The following SHISA6 variants were observed in gnomAD, a reference collection of about 807,000 sequenced individuals.
SHISA6 encodes the protein protein shisa-6.
Under a neutral mutation model 47.9 loss-of-function variants are expected in SHISA6, and 22 were observed. The ratio of observed to expected loss-of-function variants is 0.46; its 90% CI spans 0.33 to 0.66. The LOEUF (loss-of-function observed/expected upper bound fraction) is 0.66, where lower values mean the gene tolerates loss of function less well. Among genes scored for constraint, SHISA6 ranks in the 30% least tolerant of loss-of-function variants. The pLI is 0.02. For synonymous variants in SHISA6, 388 were observed against 337.8 expected (o/e 1.15, Z -1.63); for missense variants, 680 against 764.6 (o/e 0.89, Z 1.30).
At chr17:11,316,360 A>T (rs1597454535) in intron 2 of SHISA6, among the ~76,000 whole-genome samples, 1 of 129,194 alleles carries the variant, frequency 7.7e-6, no homozygotes, top group Non-Finnish European at 1.6e-5. Flanking sequence ...TTCAATGGGA[A>T]TCTCCTTGCA....
At chr17:11,541,184 G>A (rs2071830558) in intron 3 of SHISA6, among the ~76,000 whole-genome samples, 1 of 152,220 alleles carries the variant, frequency 6.6e-6, no homozygotes, top group Admixed American at 6.5e-5. Context: ...AAGACAGATG[G>A]AAACCCAGCT....
At chr17:11,486,425 G>A (rs1403888426) in intron 3 of SHISA6, among the ~76,000 whole-genome samples, 1 of 152,214 alleles carries the variant, frequency 6.6e-6, no homozygotes, top group Non-Finnish European at 1.5e-5. Flanking sequence ...ACAAGGCTTG[G>A]CACATAGTTG....
chr17:11,323,978 C>G (rs1253618702), intron 2 of SHISA6, among the ~76,000 whole-genome samples: 1 of 152,140 alleles, frequency 6.6e-6, no homozygotes, highest in African/African-American at 2.4e-5. Flanking sequence ...ATGTCAAATA[C>G]AGAATGAGGG....
chr17:11,350,764 A>G (rs1412318017), intron 2 of SHISA6, among the ~76,000 whole-genome samples: 3 of 152,140 alleles, frequency 2.0e-5, no homozygotes, highest in Admixed American at 6.5e-5. Context: ...AAAATTCCTT[A>G]CTAGTTTCAT....
At chr17:11,413,722 GT>G (rs1914202570) in intron 3 of SHISA6, among the ~76,000 whole-genome samples, 1 of 152,170 alleles carries the variant, frequency 6.6e-6, no homozygotes, top group South Asian at 2.1e-4. Flanking sequence ...TTCCAGCCGT[GT>G]TTCCAAAGGA....
chr17:11,343,530 G>T (rs1043864080), intron 2 of SHISA6, among the ~76,000 whole-genome samples: 1 of 151,802 alleles, frequency 6.6e-6, no homozygotes, highest in African/African-American at 2.4e-5. Flanking sequence ...ATCCTGCTGG[G>T]AACATGTGAA....
chr17:11,426,745 C>T (rs963923935), intron 3 of SHISA6, among the ~76,000 whole-genome samples: 10 of 152,128 alleles, frequency 6.6e-5, no homozygotes, highest in Non-Finnish European at 1.0e-4. Context: ...TTGTTGGATG[C>T]GACTCTCACG....
At chr17:11,285,997 T>C (rs1042884031) in intron 2 of SHISA6, among the ~76,000 whole-genome samples, 11 of 152,062 alleles carry the variant, frequency 7.2e-5, no homozygotes, top group Non-Finnish European at 1.5e-5. Flanking sequence ...CCACCACGCC[T>C]GGCTAATATT....
chr17:11,430,075 A>G (rs141456030), intron 3 of SHISA6, among the ~76,000 whole-genome samples: 1 of 152,210 alleles, frequency 6.6e-6, no homozygotes, highest in East Asian at 1.9e-4. Context: ...TTTTGAGATG[A>G]GGAAACTGAG....
intron 2 of SHISA6, among the ~76,000 whole-genome samples, chr17:11,328,385 C>A (rs2142202398): frequency 6.6e-6 from 1 of 152,324 alleles, no homozygotes; most frequent in Admixed American, 6.5e-5. Context: ...GCCTTGGAAG[C>A]ATTCCAAGCC....
chr17:11,283,665 TA>T (rs1469142622), intron 2 of SHISA6, among the ~76,000 whole-genome samples: 1 of 152,244 alleles, frequency 6.6e-6, no homozygotes, highest in Non-Finnish European at 1.5e-5. Context: ...AAATATTTTC[TA>T]ATGCATAGAT....
rs1265512780 is a variant in SHISA6 at position 11,519,907 on chromosome 17, C to T, written c.896-31989C>T. 2.6e-5 allele frequency among the ~76,000 whole-genome samples: 4 copies of T among 152,270 alleles called. 1 individual carries two copies. In the East Asian group the frequency reaches 5.8e-4, roughly 22 times the overall value. ...TGTGCCCTCTTGGTTTCCATGACAT[C>T]GTGCTTTCTCATTTTTAACTCCTAA... On this transcript the variant is annotated intron_variant, in intron 3 of 5. Transcript: ENST00000441885.
intron 2 of SHISA6, among the ~76,000 whole-genome samples, chr17:11,376,001 G>A (rs1258651369): frequency 1.3e-5 from 2 of 152,186 alleles, no homozygotes; most frequent in African/African-American, 4.8e-5. Context: ...TGACATGGAA[G>A]TGCTTATGCT....
rs1266646690 is a variant in SHISA6 at position 11,409,338 on chromosome 17, A to G, written c.895+29829A>G. Among the ~76,000 whole-genome samples the G allele has an allele frequency of 2.0e-5, 3 of 152,218 alleles. No homozygotes were observed. The East Asian group carries it at 5.8e-4, about 29-fold the overall frequency. The stretch of plus-strand genomic sequence containing the variant: ...GGGTATGGACTCACATGCAAGATTA[A>G]CAATAAAATAGAAGGTCATCAAACT... On this transcript the variant is annotated intron_variant, in intron 3 of 5. Transcript: ENST00000441885.
At chr17:11,440,756 C>G (rs1915073369) in intron 3 of SHISA6, among the ~76,000 whole-genome samples, 2 of 152,148 alleles carry the variant, frequency 1.3e-5, no homozygotes, top group Admixed American at 6.5e-5. Context: ...ACCACAACCT[C>G]TGTGACCGCT....
At chr17:11,548,982 T>G (rs749121985) in intron 3 of SHISA6, among the ~76,000 whole-genome samples, 1 of 152,248 alleles carries the variant, frequency 6.6e-6, no homozygotes, top group Non-Finnish European at 1.5e-5. Context: ...AGTAAATGTA[T>G]GTATAAGCAT....
chr17:11,391,609 G>A (rs1236809943), intron 3 of SHISA6, among the ~76,000 whole-genome samples: 2 of 152,112 alleles, frequency 1.3e-5, no homozygotes, highest in Admixed American at 6.5e-5. Context: ...GTGAATTGTG[G>A]TGCAGCTCAG....
chr17:11,253,141 G>A (rs1158398608), intron 1 of SHISA6, among the ~76,000 whole-genome samples: 2 of 152,146 alleles, frequency 1.3e-5, no homozygotes, highest in Non-Finnish European at 2.9e-5. Context: ...CCACTGCTGT[G>A]TCTTCTCCAT....
intron 2 of SHISA6, among the ~76,000 whole-genome samples, chr17:11,274,402 A>G (rs533482918): frequency 5.3e-5 from 8 of 152,334 alleles, no homozygotes; most frequent in African/African-American, 1.4e-4. Context: ...AAAACGAAGG[A>G]AGCAACAGAG....
Sources: allele counts gnomAD v4.1 joint callset (sites outside exome capture counted in the v4.1 genomes callset), GRCh38; gene constraint gnomAD v4.1.1; transcripts MANE v1.5; gene names NCBI Gene and HGNC (gene_info 2026-07-23, HGNC 2026-07-21).